Variants in RADIL observed in about 807,000 individuals in gnomAD.
RADIL encodes Rap associating with DIL domain.
A neutral mutation model predicts 97.6 loss-of-function variants in RADIL; 99 were observed. That is an observed-to-expected ratio of 1.01 (90% CI 0.86 to 1.20). The LOEUF is 1.20. Ranked by LOEUF, RADIL falls within the 50% of genes most tolerant of loss-of-function variation. The pLI, the probability that RADIL is intolerant of heterozygous loss-of-function variation, is 0.00. For missense variants in RADIL, 1,765 were observed against 1,498.9 expected (o/e 1.18, Z -2.93); for synonymous variants, 803 against 691.8 (o/e 1.16, Z -2.52).
chr7:4,881,595 C>T (rs1452671073), intron 1 of RADIL, among the ~76,000 whole-genome samples: 10 of 148,942 alleles, frequency 6.7e-5, no homozygotes, highest in Non-Finnish European at 1.2e-4. Context: ...GGCATGGTGG[C>T]GGGTGCCTGT....
chr7:4,842,528 A>G lies in RADIL; in HGVS notation c.536-5923T>C, dbSNP rs1265694544. Among the ~76,000 whole-genome samples the G allele has an allele frequency of 3.9e-5, 6 of 152,132 alleles. No individual in the cohort carries two copies. The highest frequency in any genetic ancestry group is 1.5e-5 in the Non-Finnish European group (1 of 68,022). ...GCAGGGCTCTGCGTGCCGGGGGTGC[A>G]CAGGGAAACTGGACAAGCAGCTGGT... On this transcript the variant is annotated intron_variant, in intron 2 of 14. Coordinates refer to ENST00000399583, the MANE Select transcript of RADIL (RefSeq NM_018059.5). This position sits in a 1 kb window ranked among gnomAD's most constrained non-coding sequence, Gnocchi z 4.5.
At position 4,832,608 on chromosome 7, in the gene RADIL, G is replaced by A. The variant is rs571224210; in HGVS notation, c.1417-430C>T. ...ACAAAAATTAGCCGGGTGTGGTGGC[G>A]CATGCCTATAATCCCAGCTATTTGG... is the stretch of plus-strand genomic sequence containing the variant. On this transcript the variant is annotated intron_variant, in intron 4 of 14. Coordinates refer to ENST00000399583, the MANE Select transcript of RADIL (RefSeq NM_018059.5). 1.4e-4 allele frequency among the ~76,000 whole-genome samples: 22 copies of A among 151,978 alleles called. No homozygotes were observed. The East Asian group carries it at 2.5e-3, about 17-fold the overall frequency.
At position 4,834,662 on chromosome 7, in the gene RADIL, C is replaced by G; in HGVS notation, c.1361G>C (p.Gly454Ala). Reference protein sequence around the residue: ...IQHSATHFQPGTFGQLLLKIA... With the variant: ...IQHSATHFQPATFGQLLLKIA... ...CTTGAGCAGGAGCTGCCCGAATGTG[C>G]CCGGCTGGAAGTGGGTGGCCGAGTG... Residue 454 changes from glycine (G) to alanine (A), a missense_variant, in exon 4 of 15, where the codon GGC becomes GCC. Coordinates refer to ENST00000399583, the MANE Select transcript of RADIL (RefSeq NM_018059.5). The surrounding 1 kb of genome is among the most constrained non-coding windows in gnomAD (Gnocchi z 6.0). The G allele has an allele frequency of 7.3e-7, 1 of 1,366,434 alleles. No homozygotes were observed. 84.6% of individuals were successfully genotyped at this position (1,366,434 alleles called of 1,614,324 possible). A position where few individuals can be genotyped will look rare whatever the true frequency, so the allele number is the denominator to read the frequency against.
intron 10 of RADIL, 133 bp from the exon 11 acceptor site, chr7:4,803,887 A>ATCCCAGCCTCCTGT: frequency 1.2e-6 from 1 of 833,418 alleles, no homozygotes; most frequent in Non-Finnish European, 2.0e-6. Flanking sequence ...TGGACACAGG[A>ATCCCAGCCTCCTGT]GGCTGGGATC....
intron 2 of RADIL, chr7:4,860,844 G>A: frequency 6.2e-7 from 1 of 1,614,172 alleles, no homozygotes; most frequent in Non-Finnish European, 8.5e-7. Flanking sequence ...GAGTTCTGCT[G>A]TGGGTATGCT....
rs1783273010 is a variant in RADIL at position 4,835,573 on chromosome 7, C to T, written c.784-334G>A. Among the ~76,000 whole-genome samples, 1 of 151,710 alleles carries T rather than the reference C, an allele frequency of 6.6e-6. No homozygotes were observed. Among genetic ancestry groups the T allele is most frequent in the Non-Finnish European group, 1.5e-5 (1 of 67,992 alleles). ...GGGCCAAGGACTACATAACTTCCCC[C>T]AAGTCATCCCCAAAACTGTGTGGGA... is the stretch of plus-strand genomic sequence containing the variant. On this transcript the variant is annotated intron_variant, in intron 3 of 14. Coordinates refer to ENST00000399583, the MANE Select transcript of RADIL (RefSeq NM_018059.5). The surrounding 1 kb of genome is among the most constrained non-coding windows in gnomAD (Gnocchi z 5.8).
At chr7:4,868,573 AC>A (rs1258934647) in intron 2 of RADIL, among the ~76,000 whole-genome samples, 1 of 152,094 alleles carries the variant, frequency 6.6e-6, no homozygotes, top group Non-Finnish European at 1.5e-5. Context: ...CGCTTGCTTC[AC>A]CTTCCTCCAG....
At chr7:4,816,790 C>T (rs1484380433) in intron 7 of RADIL, among the ~76,000 whole-genome samples, 1 of 152,080 alleles carries the variant, frequency 6.6e-6, no homozygotes, top group Non-Finnish European at 1.5e-5. Context: ...AACAAAATGA[C>T]GGGAGAGTCA....
At position 4,832,077 on chromosome 7, in the gene RADIL, C is replaced by G. The variant is rs190035371; in HGVS notation, c.1454+64G>C. ...GAGACCCCTCGGGACTTGGCTCCCC[C>G]GGGAAGTGTGAGCCCCCAGGACCTG... On this transcript the variant is annotated intron_variant, in intron 5 of 14. Coordinates refer to ENST00000399583, the MANE Select transcript of RADIL (RefSeq NM_018059.5). 7.0e-6 allele frequency: 11 copies of G among 1,571,344 alleles called. No homozygotes were observed. The East Asian group carries it at 1.1e-4, about 16-fold the overall frequency.
chr7:4,860,012 TGA>T (rs1169043289), intron 2 of RADIL: 19 of 1,613,998 alleles, frequency 1.2e-5, no homozygotes, highest in Non-Finnish European at 1.6e-5. Context: ...AATGGCAGGC[TGA>T]GAGACAGCGT....
chr7:4,802,668 GC>G (rs1211320096), intron 11 of RADIL, among the ~76,000 whole-genome samples: 1 of 105,520 alleles, frequency 9.5e-6, no homozygotes, highest in African/African-American at 4.0e-5. Context: ...TGGCTGGGGG[GC>G]CCCCTCCCCG....
intron 5 of RADIL, among the ~76,000 whole-genome samples, chr7:4,831,056 T>TG (rs1481516096): frequency 6.7e-6 from 1 of 149,266 alleles, no homozygotes; most frequent in African/African-American, 2.5e-5. Context: ...CTGGGCGTGG[T>TG]GGTGCATGTC....
rs1245019247 is a variant in RADIL at position 4,815,424 on chromosome 7, G to A, written c.1993C>T (p.Pro665Ser). The A allele has an allele frequency of 6.5e-7, 1 of 1,543,696 alleles. No individual in the cohort carries two copies. Among genetic ancestry groups the A allele is most frequent in the East Asian group, 2.3e-5 (1 of 43,012 alleles). Residue 665 changes from proline to serine, a missense_variant, in exon 9 of 15, where the codon CCC becomes TCC. Coordinates refer to ENST00000399583, the MANE Select transcript of RADIL (RefSeq NM_018059.5). This position sits in a 1 kb window ranked among gnomAD's most constrained non-coding sequence, Gnocchi z 8.0. ...CGGGCGCAGGCCTGGACACCTCTGGGCCAGTGGAAGCAGCTCAGGGAGGGG... is the reference window on the plus strand; with the variant it reads ...CGGGCGCAGGCCTGGACACCTCTGGACCAGTGGAAGCAGCTCAGGGAGGGG... ...RGPSLSCFHW[P>S]RGVQACARLQ...
At chr7:4,810,745 A>T (rs561442259) in intron 9 of RADIL, among the ~76,000 whole-genome samples, 12 of 152,318 alleles carry the variant, frequency 7.9e-5, no homozygotes, top group African/African-American at 2.6e-4. Context: ...CTCATTTACA[A>T]CGTCACCAGG....
In RADIL at chr7:4,819,444, G is replaced by A. The variant is rs371261987; in HGVS notation, c.1616-2093C>T. Among the ~76,000 whole-genome samples, 3 of 151,864 alleles carry A rather than the reference G, an allele frequency of 2.0e-5. No individual in the cohort carries two copies. Among genetic ancestry groups the A allele is most frequent in the Admixed American group, 6.6e-5 (1 of 15,246 alleles). On this transcript the variant is annotated intron_variant, in intron 6 of 14. Coordinates refer to ENST00000399583, the MANE Select transcript of RADIL (RefSeq NM_018059.5). This position sits in a 1 kb window ranked among gnomAD's most constrained non-coding sequence, Gnocchi z 5.8. Reference sequence around the variant, plus strand: ...GTGGGCATTTCTGAGGATTTCCGACGCCCACGAGCCATTAAGAGGACACAC... The same window carrying A: ...GTGGGCATTTCTGAGGATTTCCGACACCCACGAGCCATTAAGAGGACACAC...
At chr7:4,810,771 A>C (rs940434763) in intron 9 of RADIL, among the ~76,000 whole-genome samples, 7 of 152,236 alleles carry the variant, frequency 4.6e-5, no homozygotes, top group African/African-American at 1.7e-4. Flanking sequence ...CTGAGGGTTC[A>C]AACCACTGCA....
Position 4,816,210 on chromosome 7 carries a change from C to T in RADIL, c.1966+18G>A, listed in dbSNP as rs1335525564. On this transcript the variant is annotated intron_variant, in intron 8 of 14. Coordinates refer to ENST00000399583, the MANE Select transcript of RADIL (RefSeq NM_018059.5). ...GAATGTGAGCCCCCGACCCCTCAAC[C>T]CTGCACGAGGCCCTCACCCCTGTCG... 1.9e-6 allele frequency: 3 copies of T among 1,601,518 alleles called. No homozygotes were observed. The highest frequency in any genetic ancestry group is 2.6e-6 in the Non-Finnish European group (3 of 1,170,894).
chr7:4,832,106 C>G (rs377186489), intron 5 of RADIL, 35 bp downstream of exon 5: 3 of 1,608,816 alleles, frequency 1.9e-6, no homozygotes, highest in Non-Finnish European at 1.7e-6. Context: ...GGACCTGCTG[C>G]CCAGAGGCGG....
intron 9 of RADIL, among the ~76,000 whole-genome samples, chr7:4,807,762 C>A (rs1281187176): frequency 1.2e-5 from 1 of 81,880 alleles, no homozygotes; most frequent in Non-Finnish European, 2.5e-5. Context: ...CCTTTCTCCC[C>A]CTCCGTCTCT....
Sources: allele counts gnomAD v4.1 joint callset (sites outside exome capture counted in the v4.1 genomes callset), GRCh38; gene constraint gnomAD v4.1.1; non-coding constraint Gnocchi (gnomAD v3.1); transcripts MANE v1.5; gene names NCBI Gene and HGNC (gene_info 2026-07-23, HGNC 2026-07-21).